The following NSMAF variants were observed in gnomAD, a reference collection of about 807,000 sequenced individuals.
NSMAF encodes protein FAN.
Under a neutral mutation model 134.9 loss-of-function variants are expected in NSMAF, and 90 were observed. The ratio of observed to expected loss-of-function variants is 0.67; its 90% CI spans 0.56 to 0.79. The LOEUF is 0.79. Ranked by LOEUF, NSMAF falls within the 30% of genes least tolerant of loss-of-function variation. The pLI is 0.00. For synonymous variants in NSMAF, 358 were observed against 389.6 expected, an observed-to-expected ratio of 0.92 and a Z score of 0.96; for missense variants, 1,010 against 1,119.0, an observed-to-expected ratio of 0.90 and a Z score of 1.39.
At chr8:58,628,780 C>A (rs1806993471) in intron 6 of NSMAF, among the ~76,000 whole-genome samples, 1 of 152,008 alleles carries the variant, frequency 6.6e-6, no homozygotes, top group South Asian at 2.1e-4. Flanking sequence ...CCATTTTTTT[C>A]AAGGACAATT....
At chr8:58,592,923 A>AC (rs1806052204) in intron 23 of NSMAF, among the ~76,000 whole-genome samples, 3 of 151,878 alleles carry the variant, frequency 2.0e-5, no homozygotes, top group Non-Finnish European at 4.4e-5. Flanking sequence ...ACAACAAAAA[A>AC]AAAACCTCTC....
intron 5 of NSMAF, 49 bp from the exon 6 acceptor site, chr8:58,631,595 T>C (rs748683371): frequency 7.9e-6 from 8 of 1,018,788 alleles, no homozygotes; most frequent in Admixed American, 5.3e-5. Context: ...AAATGTTTCA[T>C]TGTAAAGAGT....
chr8:58,612,140 A>T (rs1365605989), intron 9 of NSMAF, among the ~76,000 whole-genome samples: 1 of 152,140 alleles, frequency 6.6e-6, no homozygotes, highest in Non-Finnish European at 1.5e-5. Context: ...CTAATGAGGC[A>T]ACTGTGTATG....
intron 9 of NSMAF, among the ~76,000 whole-genome samples, chr8:58,616,988 T>C (rs11994921): frequency 0.31 from 46,858 of 151,996 alleles, 7,677 homozygotes; most frequent in Non-Finnish European, 0.35. Context: ...TCTAGGAATA[T>C]GTCCAACAAA....
chr8:58,654,037 A>G (rs112773679), intron 1 of NSMAF, among the ~76,000 whole-genome samples: 122 of 151,434 alleles, frequency 8.1e-4, no homozygotes, highest in African/African-American at 2.7e-3. Context: ...TTCATGTGAG[A>G]AAAAAAAACC....
At chr8:58,597,338 C>T in intron 21 of NSMAF, 49 bp downstream of exon 21, 1 of 1,521,606 alleles carries the variant, frequency 6.6e-7, no homozygotes, top group South Asian at 1.1e-5. Flanking sequence ...ATTTTCATCA[C>T]AGAAGAGAAA....
intron 26 of NSMAF, chr8:58,588,580 T>G: frequency 2.3e-6 from 3 of 1,320,726 alleles, no homozygotes; most frequent in Non-Finnish European, 2.2e-6. Context: ...GGGAAGCAAA[T>G]AGGCATCAAA....
At chr8:58,589,632 A>C in intron 25 of NSMAF, 57 bp from the exon 26 acceptor site, 1 of 1,479,728 alleles carries the variant, frequency 6.8e-7, no homozygotes, top group Non-Finnish European at 9.0e-7. Context: ...AAGGCTCCTA[A>C]ACATATATTA....
At chr8:58,655,234 A>G (rs1010279484) in intron 1 of NSMAF, among the ~76,000 whole-genome samples, 2 of 152,142 alleles carry the variant, frequency 1.3e-5, no homozygotes, top group African/African-American at 4.8e-5. Context: ...GGCCTCCCAA[A>G]GGGCTGGGAT....
chr8:58,645,571 GA>G (rs1430593290), intron 1 of NSMAF, among the ~76,000 whole-genome samples: 1 of 152,064 alleles, frequency 6.6e-6, no homozygotes, highest in East Asian at 1.9e-4. Context: ...AAATATGAAT[GA>G]ACAGCCCAAG....
At chr8:58,654,473 C>G (rs1478949181) in intron 1 of NSMAF, among the ~76,000 whole-genome samples, 1 of 152,076 alleles carries the variant, frequency 6.6e-6, no homozygotes, top group East Asian at 1.9e-4. Flanking sequence ...TCGCTTGAAC[C>G]CAGGAGGCGG....
chr8:58,632,775 C>T (rs1300261350), intron 5 of NSMAF, among the ~76,000 whole-genome samples: 4 of 152,200 alleles, frequency 2.6e-5, no homozygotes, highest in Non-Finnish European at 4.4e-5. Context: ...GCCTGCTGGA[C>T]GTCTCCCCTT....
At chr8:58,652,305 C>A (rs1051912867) in intron 1 of NSMAF, among the ~76,000 whole-genome samples, 2 of 152,156 alleles carry the variant, frequency 1.3e-5, no homozygotes, top group Admixed American at 1.3e-4. Context: ...GAGAAGGTGG[C>A]CTCCTGCAAA....
rs746860312 is a variant in NSMAF, at chr8:58,599,301, G to T, written c.1516C>A (p.Leu506Ile). The T allele has an allele frequency of 1.9e-6, 3 of 1,613,788 alleles. No individual in the cohort carries two copies. In the South Asian group the frequency reaches 3.3e-5, roughly 18 times the overall value. Residue 506 changes from leucine (L) to isoleucine (I), a missense_variant, in exon 19 of 31, where the codon CTT becomes ATT. Coordinates refer to ENST00000038176, the MANE Select transcript of NSMAF (RefSeq NM_003580.4). ...AATATTAGATCAATCCACTCGTGAA[G>T]GTGTTCAGACACATAATTGCTTTCC... The part of the protein sequence containing the change: ...ALESNYVSEH[L>I]HEWIDLIFGY...
chr8:58,623,795 A>C lies in NSMAF; in HGVS notation c.385-15T>G, dbSNP rs1806849204. ...TCCATTTTGCCCTAACAAAAAGGGG[A>C]AGATATCAAAATACAGGAAGAGAAG... On this transcript the variant is annotated splice_polypyrimidine_tract_variant and intron_variant, in intron 6 of 30. Coordinates refer to ENST00000038176, the MANE Select transcript of NSMAF (RefSeq NM_003580.4). 1 of 1,600,510 alleles carries C rather than the reference A, an allele frequency of 6.2e-7. No individual in the cohort carries two copies. Among genetic ancestry groups the C allele is most frequent in the Non-Finnish European group, 8.6e-7 (1 of 1,168,060 alleles).
Position 58,651,005 on chromosome 8 carries a change from T to C in NSMAF, c.60-7932A>G, listed in dbSNP as rs146992366. Among the ~76,000 whole-genome samples, 53 of 152,334 alleles carry C rather than the reference T, an allele frequency of 3.5e-4. No homozygotes were observed. The East Asian group carries it at 9.3e-3, about 27-fold the overall frequency. On this transcript the variant is annotated intron_variant, in intron 1 of 30. Transcript: ENST00000038176. Reference sequence around the variant, plus strand: ...TTTGTTCCTCTTTCCAATTGTGTTCTCTGGGATTTTTTCCTGGGGTTTCAT... The same window carrying C: ...TTTGTTCCTCTTTCCAATTGTGTTCCCTGGGATTTTTTCCTGGGGTTTCAT...
chr8:58,642,583 C>A (rs1229811181), intron 2 of NSMAF, among the ~76,000 whole-genome samples: 1 of 152,136 alleles, frequency 6.6e-6, no homozygotes, highest in African/African-American at 2.4e-5. Context: ...GAGGATACTG[C>A]ATAACTACAA....
chr8:58,601,908 T>C lies in NSMAF; in HGVS notation c.1125+150A>G, dbSNP rs569677670. On this transcript the variant is annotated intron_variant, in intron 14 of 30. Transcript: ENST00000038176. ...AGAAATGCAAATGGTGAGCAGCTAATTCACGGTCAGGAGAAAAGTAAGAAA... is the reference window on the plus strand; with the variant it reads ...AGAAATGCAAATGGTGAGCAGCTAACTCACGGTCAGGAGAAAAGTAAGAAA... 3 of 623,208 alleles carry C rather than the reference T, an allele frequency of 4.8e-6. No homozygotes were observed. In the East Asian group the frequency reaches 8.7e-5, roughly 18 times the overall value. 38.6% of individuals were successfully genotyped at this position (623,208 alleles called of 1,614,324 possible).
At chr8:58,659,151 G>A in intron 1 of NSMAF, 1 of 1,347,618 alleles carries the variant, frequency 7.4e-7, no homozygotes, top group South Asian at 1.6e-5. Context: ...ACCCGATTAA[G>A]GGGAAGGATT....
Sources: allele counts gnomAD v4.1 joint callset (sites outside exome capture counted in the v4.1 genomes callset), GRCh38; gene constraint gnomAD v4.1.1; transcripts MANE v1.5; gene names NCBI Gene and HGNC (gene_info 2026-07-23, HGNC 2026-07-21).